CDCA2: variants seen among roughly 807,000 people sequenced by gnomAD.
CDCA2 encodes the protein cell division cycle-associated protein 2.
CDCA2 carries 44 observed loss-of-function variants against 67.0 expected under a neutral mutation model. The observed-to-expected ratio is 0.66, with a 90% CI of 0.52 to 0.84. The LOEUF (loss-of-function observed/expected upper bound fraction) is 0.84, where lower values mean the gene tolerates loss of function less well. Among genes scored for constraint, CDCA2 ranks in the 40% least tolerant of loss-of-function variants. The pLI, the probability that CDCA2 is intolerant of heterozygous loss-of-function variation, is 0.00. For missense variants in CDCA2, 1,253 were observed against 1,203.2 expected, an observed-to-expected ratio of 1.04 and a Z score of -0.61; for synonymous variants, 447 against 418.7, an observed-to-expected ratio of 1.07 and a Z score of -0.82.
In CDCA2 at chr8:25,507,437, T is replaced by C. The variant is rs182075793; in HGVS notation, c.2771T>C (p.Ile924Thr). The C allele has an allele frequency of 3.7e-6, 6 of 1,614,058 alleles. No individual in the cohort carries two copies. In the Admixed American group the frequency reaches 8.3e-5, roughly 22 times the overall value. Residue 924 changes from isoleucine (I) to threonine (T), a missense_variant, in exon 15 of 15, where the codon ATA (isoleucine) becomes ACA (threonine). Coordinates refer to ENST00000330560, the MANE Select transcript of CDCA2 (RefSeq NM_152562.4). ...STSQKAKRRT[I>T]CTFDSSGFES... ...TCCCAAAAAGCCAAAAGAAGAACAA[T>C]ATGTACATTTGACAGCAGTGGATTT...
chr8:25,466,770 C>A (rs761404884), intron 5 of CDCA2, among the ~76,000 whole-genome samples: 6 of 152,028 alleles, frequency 3.9e-5, no homozygotes, highest in Non-Finnish European at 8.8e-5. Flanking sequence ...CAGCCAGGCG[C>A]GGTGGCTCAT....
chr8:25,497,498 A>T (rs868774577), intron 13 of CDCA2, among the ~76,000 whole-genome samples: 44 of 85,452 alleles, frequency 5.1e-4, no homozygotes, highest in East Asian at 2.3e-3. Context: ...TCTTTAAAAA[A>T]TAAAAAATAA....
chr8:25,500,179 G>A (rs868532383), intron 13 of CDCA2, among the ~76,000 whole-genome samples: 3 of 151,676 alleles, frequency 2.0e-5, no homozygotes, highest in Middle Eastern at 6.9e-3. Context: ...CGTATTTGTG[G>A]AGTAGCCACT....
intron 13 of CDCA2, among the ~76,000 whole-genome samples, 192 bp downstream of exon 13, chr8:25,488,881 C>T (rs148866272): frequency 2.6e-5 from 4 of 152,104 alleles, no homozygotes; most frequent in Admixed American, 1.3e-4. Context: ...AACACTTTTG[C>T]GTCTTCTTCA....
Position 25,498,085 on chromosome 8 carries a change from G to C in CDCA2, c.1672-5288G>C, listed in dbSNP as rs138979884. Among the ~76,000 whole-genome samples the C allele has an allele frequency of 4.9e-3, 742 of 152,294 alleles. 25 individuals are homozygous for C. Among genetic ancestry groups the C allele is most frequent in the Admixed American group, 0.045 (689 of 15,304 alleles). On this transcript the variant is annotated intron_variant, in intron 13 of 14. Coordinates refer to ENST00000330560, the MANE Select transcript of CDCA2 (RefSeq NM_152562.4). ...AATGGTATGTGTGGAGATCTTATTGGGGTCCTGATTAGAACAGTTGTTTTA... is the reference window on the plus strand; with the variant it reads ...AATGGTATGTGTGGAGATCTTATTGCGGTCCTGATTAGAACAGTTGTTTTA...
Position 25,468,339 on chromosome 8 carries a change from G to C in CDCA2, c.661G>C (p.Val221Leu). ...AAATCTGACGGATGCTGAAGGAAAA[G>C]TAATTGGTCTCCAGATATTCAATAT... ...DENLTDAEGK[V>L]IGLQIFNIDT... is the part of the protein sequence containing the mutation. The change falls in exon 6 of 15, where the codon GTA becomes CTA. Residue 221 changes from valine to leucine, a missense_variant. Val to Leu is a conservative substitution (Grantham distance 32). Transcript: ENST00000330560. 6.2e-7 allele frequency: 1 copy of C among 1,613,940 alleles called. No homozygotes were observed. The highest frequency in any genetic ancestry group is 8.5e-7 in the Non-Finnish European group (1 of 1,179,924).
At chr8:25,497,265 A>ATGT (rs1389820444) in intron 13 of CDCA2, among the ~76,000 whole-genome samples, 1 of 152,158 alleles carries the variant, frequency 6.6e-6, no homozygotes, top group Non-Finnish European at 1.5e-5. Context: ...ATCCAAAGGA[A>ATGT]ATCAGTATAT....
chr8:25,502,284 A>G (rs952311290), intron 13 of CDCA2, among the ~76,000 whole-genome samples: 2 of 152,168 alleles, frequency 1.3e-5, no homozygotes, highest in South Asian at 2.1e-4. Flanking sequence ...CCTTTCGCCC[A>G]TAACAGTCTG....
chr8:25,507,283 T>C lies in CDCA2; in HGVS notation c.2617T>C (p.Leu873=), dbSNP rs755907745. The change falls in exon 15 of 15, where the codon TTG becomes CTG. Residue 873 remains leucine, a synonymous_variant. Transcript: ENST00000330560. Reference sequence around the variant, plus strand: ...AGAAAATTCTGAACTGTTTAAAGATTTGTCTGATGCCATTGAGCAAACCTT... The same window carrying C: ...AGAAAATTCTGAACTGTTTAAAGATCTGTCTGATGCCATTGAGCAAACCTT... ...SLENSELFKD[L]SDAIEQTFQR... 1 of 1,614,192 alleles carries C rather than the reference T, an allele frequency of 6.2e-7. No individual in the cohort carries two copies. Among genetic ancestry groups the C allele is most frequent in the Non-Finnish European group, 8.5e-7 (1 of 1,180,034 alleles).
At chr8:25,477,686 A>G (rs1293043306) in intron 7 of CDCA2, among the ~76,000 whole-genome samples, 1 of 152,202 alleles carries the variant, frequency 6.6e-6, no homozygotes, top group Admixed American at 6.5e-5. Context: ...ACTTCAAATT[A>G]AAATAGTTGC....
Position 25,506,500 on chromosome 8 carries a change from A to G in CDCA2, c.1844-10A>G. 1 of 1,538,988 alleles carries G rather than the reference A, an allele frequency of 6.5e-7. No homozygotes were observed. Among genetic ancestry groups the G allele is most frequent in the East Asian group, 2.3e-5 (1 of 44,260 alleles). On this transcript the variant is annotated splice_polypyrimidine_tract_variant and intron_variant, in intron 14 of 14. Transcript: ENST00000330560. The stretch of plus-strand genomic sequence containing the variant: ...TTTAATTAGATTTAAACCTATTTAC[A>G]TGCCCATAGGTTATTTCAGTTCAAA...
At chr8:25,496,834 G>T (rs1274800029) in intron 13 of CDCA2, among the ~76,000 whole-genome samples, 2 of 152,110 alleles carry the variant, frequency 1.3e-5, no homozygotes, top group East Asian at 1.9e-4. Context: ...GTTTTGATTG[G>T]CAAAGTCAAC....
At position 25,469,883 on chromosome 8, in the gene CDCA2, A is replaced by G. The variant is rs191970295; in HGVS notation, c.736-13A>G. 24 of 1,575,958 alleles carry G rather than the reference A, an allele frequency of 1.5e-5. No homozygotes were observed. The highest frequency in any genetic ancestry group is 5.0e-5 in the Admixed American group (3 of 59,510). On this transcript the variant is annotated splice_polypyrimidine_tract_variant and intron_variant, in intron 6 of 14. Transcript: ENST00000330560. Reference sequence around the variant, plus strand: ...ATTAATAAAATGTAATACTCTTTCAATTTTTCCCCAAGATATCATCTAAAC... The same window carrying G: ...ATTAATAAAATGTAATACTCTTTCAGTTTTTCCCCAAGATATCATCTAAAC...
chr8:25,479,716 A>C (rs967053861), intron 7 of CDCA2, 197 bp from the exon 8 acceptor site: 5 of 590,794 alleles, frequency 8.5e-6, no homozygotes, highest in Middle Eastern at 4.6e-4. Flanking sequence ...GATTTGAGGT[A>C]AAAACTGACC....
Position 25,507,488 on chromosome 8 carries a change from C to A in CDCA2, c.2822C>A (p.Thr941Asn), listed in dbSNP as rs1563289521. The A allele has an allele frequency of 1.9e-6, 3 of 1,613,750 alleles. No homozygotes were observed. The highest frequency in any genetic ancestry group is 3.3e-4 in the Middle Eastern group (2 of 6,058). ...GFESMSPIKETVSSRQKPQMA... is the reference protein window; with the variant it reads ...GFESMSPIKENVSSRQKPQMA... ...GAAAGTATGTCTCCCATAAAAGAAA[C>A]TGTGTCCTCCAGACAAAAACCGCAG... The change falls in exon 15 of 15, where the codon ACT becomes AAT. Residue 941 changes from threonine (T) to asparagine (N), a missense_variant. Coordinates refer to ENST00000330560, the MANE Select transcript of CDCA2 (RefSeq NM_152562.4).
intron 7 of CDCA2, 104 bp downstream of exon 7, chr8:25,470,084 CT>C: frequency 1.4e-6 from 1 of 722,242 alleles, no homozygotes; most frequent in Non-Finnish European, 2.4e-6. Flanking sequence ...TTGTTTCCTA[CT>C]TTTTAGGAGC....
chr8:25,476,251 G>T (rs929014748), intron 7 of CDCA2, among the ~76,000 whole-genome samples: 5 of 152,212 alleles, frequency 3.3e-5, no homozygotes, highest in African/African-American at 1.2e-4. Context: ...CATCACTCCA[G>T]TGTTTTTGTT....
At chr8:25,495,774 G>A (rs952082973) in intron 13 of CDCA2, among the ~76,000 whole-genome samples, 1 of 152,024 alleles carries the variant, frequency 6.6e-6, no homozygotes, top group Admixed American at 6.6e-5. Context: ...ATTATAAACA[G>A]TATGAAACAC....
intron 5 of CDCA2, 145 bp from the exon 6 acceptor site, chr8:25,468,072 C>T (rs543165189): frequency 4.4e-5 from 12 of 271,764 alleles, no homozygotes; most frequent in East Asian, 3.5e-4. Context: ...GAGCTGAAAT[C>T]GCACCATTGT....
Sources: gnomAD v4.1 joint callset for allele counts (sites outside exome capture counted in the v4.1 genomes callset) on GRCh38, gnomAD v4.1.1 for gene constraint, MANE v1.5 for transcripts, NCBI Gene and HGNC (gene_info 2026-07-23, HGNC 2026-07-21) for gene names.